The following ZNF365 variants were observed in gnomAD, a reference collection of about 807,000 sequenced individuals.
ZNF365 encodes zinc finger protein 365.
ZNF365 carries 22 observed loss-of-function variants against 35.0 expected under a neutral mutation model. The observed-to-expected ratio is 0.63, with a 90% CI of 0.45 to 0.90. ZNF365 has a LOEUF of 0.90. ZNF365 is among the 40% of genes least tolerant of loss of function. The probability of loss-of-function intolerance (pLI) is 0.00; values close to 1 mark genes in which losing one functional copy is unlikely to be tolerated. For missense variants in ZNF365, 448 were observed against 500.3 expected, an observed-to-expected ratio of 0.90 and a Z score of 1.00; for synonymous variants, 188 against 196.2, an observed-to-expected ratio of 0.96 and a Z score of 0.35.
At chr10:62,435,784 C>A (rs1255548326) in intron 3 of ZNF365, among the ~76,000 whole-genome samples, 1 of 152,164 alleles carries the variant, frequency 6.6e-6, no homozygotes, top group Non-Finnish European at 1.5e-5. Context: ...AACAAGAAAA[C>A]AAACTCATTT....
At chr10:62,480,281 A>G (rs758996378) in exon 5 of ZNF365, 4 of 993,188 alleles carry the variant, frequency 4.0e-6, no homozygotes, top group Non-Finnish European at 4.8e-6. Context: ...ATAGTTATTG[A>G]GTAATTTATT....
chr10:62,447,732 G>A (rs896456538), intron 3 of ZNF365, among the ~76,000 whole-genome samples: 2 of 152,132 alleles, frequency 1.3e-5, no homozygotes, highest in African/African-American at 4.8e-5. Flanking sequence ...CGCTTCCCTG[G>A]AAACTCTTTT....
intron 3 of ZNF365, among the ~76,000 whole-genome samples, chr10:62,393,957 C>T (rs1839678992): frequency 6.6e-6 from 1 of 152,040 alleles, no homozygotes; most frequent in South Asian, 2.1e-4. Flanking sequence ...CCCCTTGTTT[C>T]CTTGTATAGT....
At position 62,376,786 on chromosome 10, in the gene ZNF365, G is replaced by C; in HGVS notation, c.593G>C (p.Arg198Pro). The change falls in exon 2 of 5, where the codon CGG becomes CCG. Residue 198 changes from arginine to proline, a missense_variant. By Grantham distance (103) the Arg-to-Pro change is moderately radical. Coordinates refer to ENST00000395254, the MANE Select transcript of ZNF365 (RefSeq NM_014951.3). ...AAAACTGCGGAACTGTTGGAAGTTCGGGCAGCTTTTGTGCAGCTGACTCAG... is the reference window on the plus strand; with the variant it reads ...AAAACTGCGGAACTGTTGGAAGTTCCGGCAGCTTTTGTGCAGCTGACTCAG... ...AQKTAELLEV[R>P]AAFVQLTQKK... The C allele has an allele frequency of 6.2e-7, 1 of 1,614,160 alleles. No individual in the cohort carries two copies. Among genetic ancestry groups the C allele is most frequent in the Non-Finnish European group, 8.5e-7 (1 of 1,180,034 alleles).
At chr10:62,376,083 G>T in intron 1 of ZNF365, 98 bp from the exon 2 acceptor site, 1 of 1,358,748 alleles carries the variant, frequency 7.4e-7, no homozygotes, top group South Asian at 1.4e-5. Flanking sequence ...AAAGTCACTT[G>T]AAACCAAAAA....
intron 3 of ZNF365, 150 bp downstream of exon 3, chr10:62,388,726 T>A (rs2132418276): frequency 9.9e-7 from 1 of 1,014,222 alleles, no homozygotes; most frequent in Non-Finnish European, 1.4e-6. Flanking sequence ...ATTGTGGAAA[T>A]GTTACTGGGG....
At chr10:62,424,426 T>C (rs938220711) in intron 3 of ZNF365, among the ~76,000 whole-genome samples, 1 of 152,170 alleles carries the variant, frequency 6.6e-6, no homozygotes, top group Non-Finnish European at 1.5e-5. Flanking sequence ...CTCCTATGCA[T>C]CTAAAGTGAT....
At chr10:62,431,424 C>T (rs1840332209) in intron 3 of ZNF365, among the ~76,000 whole-genome samples, 1 of 152,142 alleles carries the variant, frequency 6.6e-6, no homozygotes, top group Non-Finnish European at 1.5e-5. Context: ...ATATCCTGAA[C>T]ATTTGCTTAT....
chr10:62,407,736 T>G (rs894653475), intron 3 of ZNF365, among the ~76,000 whole-genome samples: 2 of 152,232 alleles, frequency 1.3e-5, no homozygotes, highest in African/African-American at 4.8e-5. Flanking sequence ...GGTATTTTAA[T>G]ACTCTCCTTC....
rs11545586 is a variant in ZNF365 at position 62,376,423 on chromosome 10, C to T, written c.230C>T (p.Ser77Leu). The T allele has an allele frequency of 6.2e-7, 1 of 1,614,178 alleles. No homozygotes were observed. The change falls in exon 2 of 5, where the codon TCA becomes TTA. Residue 77 changes from serine to leucine, a missense_variant. Around this residue, in one of 3 missense-constraint regions of ZNF365, gnomAD observed 76 missense variants for 96.7 expected, o/e 0.79. Coordinates refer to ENST00000395254, the MANE Select transcript of ZNF365 (RefSeq NM_014951.3). The stretch of plus-strand genomic sequence containing the variant: ...AAAGACACAGACCTAGTCACTTCCT[C>T]AGAACTCCTGAAACCGGGAAAATTG... ...SLKDTDLVTSSELLKPGKLQS... is the reference protein window; with the variant it reads ...SLKDTDLVTSLELLKPGKLQS...
At chr10:62,423,384 A>G (rs1185400461) in intron 3 of ZNF365, among the ~76,000 whole-genome samples, 2 of 152,180 alleles carry the variant, frequency 1.3e-5, no homozygotes, top group Middle Eastern at 3.2e-3. Flanking sequence ...TTCATAGAGT[A>G]TTTCACAGGA....
At chr10:62,440,299 G>T (rs1316333410) in intron 3 of ZNF365, among the ~76,000 whole-genome samples, 2 of 109,956 alleles carry the variant, frequency 1.8e-5, no homozygotes, top group Non-Finnish European at 3.7e-5. Context: ...GTAAACTTGT[G>T]TTACTGGGTC....
At chr10:62,411,483 G>T (rs1351405802) in intron 3 of ZNF365, among the ~76,000 whole-genome samples, 1 of 152,108 alleles carries the variant, frequency 6.6e-6, no homozygotes, top group Admixed American at 6.6e-5. Context: ...TCCAGTTCCA[G>T]TTTTCTGCAT....
At chr10:62,390,293 A>G (rs554004105) in intron 3 of ZNF365, among the ~76,000 whole-genome samples, 22 of 152,182 alleles carry the variant, frequency 1.4e-4, no homozygotes, top group Non-Finnish European at 2.9e-4. Context: ...CTAAAATTAA[A>G]ATGTAACATT....
chr10:62,478,643 C>T (rs564580472), intron 4 of ZNF365, among the ~76,000 whole-genome samples: 7 of 152,228 alleles, frequency 4.6e-5, no homozygotes, highest in Admixed American at 2.0e-4. Flanking sequence ...GCACTATCTC[C>T]GCTCACTGCA....
intron 3 of ZNF365, among the ~76,000 whole-genome samples, chr10:62,416,001 G>A (rs775117695): frequency 1.8e-4 from 27 of 152,092 alleles, no homozygotes; most frequent in Non-Finnish European, 3.2e-4. Context: ...TTTCTTGAAG[G>A]AGGCATTGGT....
chr10:62,437,588 G>A (rs1170854678), intron 3 of ZNF365, among the ~76,000 whole-genome samples: 1 of 152,138 alleles, frequency 6.6e-6, no homozygotes, highest in Admixed American at 6.5e-5. Context: ...TGTTTTCCAG[G>A]CAGTTAACAA....
rs762992903 is a variant in ZNF365, at chr10:62,398,800, G to A, written c.962+23G>A. 5 of 1,603,458 alleles carry A rather than the reference G, an allele frequency of 3.1e-6. No homozygotes were observed. In the South Asian group the frequency reaches 4.5e-5, roughly 14 times the overall value. The stretch of plus-strand genomic sequence containing the variant: ...CCTGTATGTATGTATTTTTATACTT[G>A]GGCCATTTGATAATGTTTGTATTGT... On this transcript the variant is annotated intron_variant, in intron 4 of 4. Coordinates refer to ENST00000395254, the MANE Select transcript of ZNF365 (RefSeq NM_014951.3).
chr10:62,399,423 A>G (rs1277278862), intron 4 of ZNF365, 105 bp from the exon 5 acceptor site: 1 of 1,485,740 alleles, frequency 6.7e-7, no homozygotes, highest in Admixed American at 2.1e-5. Flanking sequence ...TCACCACTGT[A>G]GCATGTAGGA....
Sources: allele counts gnomAD v4.1 joint callset (sites outside exome capture counted in the v4.1 genomes callset), GRCh38; gene constraint gnomAD v4.1.1; regional missense constraint gnomAD v4.1.1; transcripts MANE v1.5; gene names NCBI Gene and HGNC (gene_info 2026-07-23, HGNC 2026-07-21).